The following PLXNA1 variants were observed in gnomAD, a reference collection of about 807,000 sequenced individuals.
PLXNA1 encodes the protein plexin A1.
In PLXNA1, 77 loss-of-function variants were observed where a neutral mutation model predicts 191.7. That is an observed-to-expected ratio of 0.40 (90% CI 0.33 to 0.49). PLXNA1 has a LOEUF of 0.49. PLXNA1 is among the 20% of genes least tolerant of loss of function. PLXNA1 has a pLI of 0.63. For synonymous variants in PLXNA1, 1,137 were observed against 1,156.4 expected (o/e 0.98, Z 0.34); for missense variants, 2,110 against 2,660.2 (o/e 0.79, Z 4.55).
Position 127,032,803 on chromosome 3 carries a change from G to C in PLXNA1, c.5562G>C (p.Glu1854Asp). 1 of 1,613,320 alleles carries C rather than the reference G, an allele frequency of 6.2e-7. No homozygotes were observed. Among genetic ancestry groups the C allele is most frequent in the South Asian group, 1.1e-5 (1 of 91,088 alleles). ...SQFNSMSALH[E>D]IYSYITKYKD... ...TCAACAGCATGAGCGCCTTGCACGA[G>C]ATCTACTCCTACATCACCAAGTACA... is the stretch of plus-strand genomic sequence containing the variant. The change falls in exon 31 of 32, where the codon GAG (glutamate) becomes GAC (aspartate). Residue 1854 changes from glutamate to aspartate, a missense_variant. By Grantham distance (45) the Glu-to-Asp change is conservative. This residue lies in a region of PLXNA1 where 559 missense variants were observed against 911.5 expected (regional missense o/e 0.61). Transcript: ENST00000393409.
In PLXNA1 at chr3:127,007,257, C is replaced by T. The variant is rs151268839; in HGVS notation, c.1998-542C>T. ...GTGCAAGGCTGAGTTGTGGGCAGAG[C>T]GCCTACAGTGGCCAGCCTGGCAGAC... is the stretch of plus-strand genomic sequence containing the variant. On this transcript the variant is annotated intron_variant, in intron 8 of 31. Transcript: ENST00000393409. Among the ~76,000 whole-genome samples, 276 of 152,196 alleles carry T rather than the reference C, an allele frequency of 1.8e-3. 1 individual carries two copies. The highest frequency in any genetic ancestry group is 4.2e-3 in the African/African-American group (174 of 41,528).
At chr3:127,029,742 T>C (rs1399635976) in intron 27 of PLXNA1, 132 bp from the exon 28 acceptor site, 2 of 1,156,146 alleles carry the variant, frequency 1.7e-6, no homozygotes, top group Non-Finnish European at 2.4e-6. Flanking sequence ...ATGCCACCTC[T>C]GTGGTGTCAT....
At position 126,988,701 on chromosome 3, in the gene PLXNA1, T is replaced by C; in HGVS notation, c.108T>C (p.Gly36=). Residue 36 remains glycine (G), a synonymous_variant, in exon 2 of 32, where the codon GGT becomes GGC. Coordinates refer to ENST00000393409, the MANE Select transcript of PLXNA1 (RefSeq NM_032242.4). ...CAGGCTTGCCCAGGGCAGGCGGGGG[T>C]TCACAGCCCCCCTTCCGCACCTTCT... ...AEAGLPRAGG[G]SQPPFRTFSA... is the part of the protein sequence containing the mutation. 2 of 1,528,884 alleles carry C rather than the reference T, an allele frequency of 1.3e-6. No individual in the cohort carries two copies. The highest frequency in any genetic ancestry group is 1.8e-6 in the Non-Finnish European group (2 of 1,139,898). The allele number at this position is 1,528,884 out of a possible 1,614,324, so 94.7% of individuals were successfully genotyped here.
chr3:126,989,169 T>C lies in PLXNA1; in HGVS notation c.576T>C (p.Asp192=), dbSNP rs2078976544. Residue 192 remains aspartate (D), a synonymous_variant, in exon 2 of 32, where the codon GAT becomes GAC. Transcript: ENST00000393409. The part of the protein sequence containing the change: ...QAKLFVGTPI[D]GKSEYFPTLS... ...AGCTCTTCGTGGGCACACCCATCGATGGCAAGTCCGAGTACTTCCCCACAC... is the reference window on the plus strand; with the variant it reads ...AGCTCTTCGTGGGCACACCCATCGACGGCAAGTCCGAGTACTTCCCCACAC... The C allele has an allele frequency of 4.3e-6, 7 of 1,613,356 alleles. No homozygotes were observed. The Admixed American group carries it at 5.0e-5, about 12-fold the overall frequency.
rs995770836 is a variant in PLXNA1 at position 127,018,128 on chromosome 3, G to A, written c.3661-166G>A. ...CCAGTGGTGCCCTGGCTGGCCAGGC[G>A]CCTGCCCTGGGTCCCAGTGTCTCCA... On this transcript the variant is annotated intron_variant, in intron 19 of 31. Transcript: ENST00000393409. Among the ~76,000 whole-genome samples the A allele has an allele frequency of 7.2e-5, 11 of 152,150 alleles. 1 individual carries two copies. The highest frequency in any genetic ancestry group is 1.3e-4 in the Admixed American group (2 of 15,288).
Position 127,022,322 on chromosome 3 carries a change from C to T in PLXNA1, c.4276C>T (p.Pro1426Ser), listed in dbSNP as rs1185582084. 1 of 1,611,272 alleles carries T rather than the reference C, an allele frequency of 6.2e-7. No individual in the cohort carries two copies. The highest frequency in any genetic ancestry group is 1.7e-5 in the Admixed American group (1 of 60,000). The change falls in exon 22 of 32, where the codon CCC (proline) becomes TCC (serine). Residue 1426 changes from proline to serine, a missense_variant. Pro to Ser is a moderately conservative substitution (Grantham distance 74). Coordinates refer to ENST00000393409, the MANE Select transcript of PLXNA1 (RefSeq NM_032242.4). ...IEKNLESKNH[P>S]KLLLRRTESV... ...GAAGAACCTGGAGAGCAAGAACCAC[C>T]CCAAGCTGCTACTGCGCCGGTGAGC...
At position 127,028,096 on chromosome 3, in the gene PLXNA1, G is replaced by T; in HGVS notation, c.4509+10G>T. On this transcript the variant is annotated intron_variant, in intron 24 of 31. Coordinates refer to ENST00000393409, the MANE Select transcript of PLXNA1 (RefSeq NM_032242.4). ...TGACTACAAGACACTGGTGAGCGTG[G>T]CTGCCCTCTGTCCTGGGTGCCCTGG... The T allele has an allele frequency of 1.9e-6, 3 of 1,613,834 alleles. No homozygotes were observed. Among genetic ancestry groups the T allele is most frequent in the Non-Finnish European group, 2.5e-6 (3 of 1,179,956 alleles).
chr3:127,003,419 C>T lies in PLXNA1; in HGVS notation c.1467C>T (p.Asp489=). The change falls in exon 4 of 32, where the codon GAC becomes GAT. Residue 489 remains aspartate, a synonymous_variant. Coordinates refer to ENST00000393409, the MANE Select transcript of PLXNA1 (RefSeq NM_032242.4). ...VAQEGSPILR[D]LVLSPNHQYL... The stretch of plus-strand genomic sequence containing the variant: ...AGGAGGGCAGCCCCATCCTGCGAGA[C>T]CTCGTCCTCAGCCCCAACCACCAGT... 1 of 1,611,480 alleles carries T rather than the reference C, an allele frequency of 6.2e-7. No homozygotes were observed. Among genetic ancestry groups the T allele is most frequent in the Non-Finnish European group, 8.5e-7 (1 of 1,179,308 alleles).
rs368240880 is a variant in PLXNA1, at chr3:127,022,196, C to T, written c.4150C>T (p.Arg1384Cys). Residue 1384 changes from arginine (R) to cysteine (C), a missense_variant, in exon 22 of 32, where the codon CGC becomes TGC. Physicochemically the swap from Arg to Cys is radical, Grantham distance 180. Coordinates refer to ENST00000393409, the MANE Select transcript of PLXNA1 (RefSeq NM_032242.4). ...TLEAQRSFSM[R>C]DRGNVASLIM... ...GGAGGCACAGCGCAGCTTCTCCATG[C>T]GCGACCGCGGGAATGTGGCCTCGCT... is the stretch of plus-strand genomic sequence containing the variant. 5.6e-6 allele frequency: 9 copies of T among 1,613,232 alleles called. No individual in the cohort carries two copies. Among genetic ancestry groups the T allele is most frequent in the Non-Finnish European group, 5.1e-6 (6 of 1,179,980 alleles).
At chr3:127,002,370 A>G (rs999307676) in intron 3 of PLXNA1, among the ~76,000 whole-genome samples, 1 of 152,226 alleles carries the variant, frequency 6.6e-6, no homozygotes, top group African/African-American at 2.4e-5. Context: ...TCAGAAACAC[A>G]GCGCCCCACC....
chr3:127,001,451 G>T (rs1429232018), intron 3 of PLXNA1, among the ~76,000 whole-genome samples: 1 of 152,216 alleles, frequency 6.6e-6, no homozygotes, highest in Non-Finnish European at 1.5e-5. Flanking sequence ...GGGGCCAGGG[G>T]CCATATCCCC....
chr3:127,006,350 G>A (rs2079069164), intron 8 of PLXNA1, among the ~76,000 whole-genome samples, 172 bp downstream of exon 8: 1 of 152,174 alleles, frequency 6.6e-6, no homozygotes, highest in South Asian at 2.1e-4. Context: ...AGGGAGGAGA[G>A]GCCACTGTGA....
intron 9 of PLXNA1, among the ~76,000 whole-genome samples, chr3:127,009,637 A>C (rs917285802): frequency 6.8e-6 from 1 of 146,286 alleles, no homozygotes; most frequent in Non-Finnish European, 1.5e-5. Context: ...AGTGTACTAC[A>C]TTCAGCTTCC....
rs1406787857 is a variant in PLXNA1, at chr3:127,016,665, C to T, written c.3163C>T (p.Pro1055Ser). 1 of 1,613,998 alleles carries T rather than the reference C, an allele frequency of 6.2e-7. No individual in the cohort carries two copies. Among genetic ancestry groups the T allele is most frequent in the Admixed American group, 1.7e-5 (1 of 60,020 alleles). Residue 1055 changes from proline to serine, a missense_variant, in exon 16 of 32, where the codon CCC (proline) becomes TCC (serine). Transcript: ENST00000393409. ...GGACCCCACCATCCTGAGGATCGAC[C>T]CCGAGTGGAGCATCAACAGGTGGGG... ...TEDPTILRIDPEWSINSGGTL... is the reference protein window; with the variant it reads ...TEDPTILRIDSEWSINSGGTL...
At position 127,034,371 on chromosome 3, in the gene PLXNA1, G is replaced by C; in HGVS notation, c.*354G>C. On this transcript the variant is annotated 3_prime_UTR_variant, in exon 32 of 32. Transcript: ENST00000393409. ...TGAGGGGTGAGGCCAGGGCCCTCCAGGGGGAGGGGTAGCCAGCTTGGGCTG... is the reference window on the plus strand; with the variant it reads ...TGAGGGGTGAGGCCAGGGCCCTCCACGGGGAGGGGTAGCCAGCTTGGGCTG... 1 of 203,858 alleles carries C rather than the reference G, an allele frequency of 4.9e-6. No individual in the cohort carries two copies. Among genetic ancestry groups the C allele is most frequent in the Non-Finnish European group, 9.9e-6 (1 of 101,300 alleles). 12.6% of individuals were successfully genotyped at this position (203,858 alleles called of 1,614,324 possible). A position where few individuals can be genotyped will look rare whatever the true frequency, so the allele number is the denominator to read the frequency against.
chr3:126,985,747 G>T (rs918080701), intron 1 of PLXNA1, among the ~76,000 whole-genome samples: 3 of 152,258 alleles, frequency 2.0e-5, no homozygotes, highest in African/African-American at 7.2e-5. Context: ...CTGGCTGGCT[G>T]GTCCAGTCTC....
intron 17 of PLXNA1, 80 bp downstream of exon 17, chr3:127,017,117 C>T: frequency 1.6e-6 from 2 of 1,273,284 alleles, no homozygotes; most frequent in Admixed American, 2.0e-5. Context: ...ACCCGTGTCC[C>T]TGCCCCTGCC....
chr3:127,024,304 G>A (rs538971394), intron 23 of PLXNA1, among the ~76,000 whole-genome samples: 11 of 152,208 alleles, frequency 7.2e-5, no homozygotes, highest in Non-Finnish European at 1.2e-4. Flanking sequence ...TTCAGCCAGC[G>A]CAGAGTGTGG....
At chr3:127,005,505 A>G (rs1226068041) in intron 7 of PLXNA1, among the ~76,000 whole-genome samples, 2 of 152,222 alleles carry the variant, frequency 1.3e-5, no homozygotes, top group Non-Finnish European at 2.9e-5. Flanking sequence ...TGGGCTCACC[A>G]TACATTTACA....
Sources: allele counts gnomAD v4.1 joint callset (sites outside exome capture counted in the v4.1 genomes callset), GRCh38; gene constraint gnomAD v4.1.1; regional missense constraint gnomAD v4.1.1; transcripts MANE v1.5; gene names NCBI Gene and HGNC (gene_info 2026-07-23, HGNC 2026-07-21).